Variants in EPS15L1 observed in about 807,000 individuals in gnomAD.
EPS15L1 encodes the protein epidermal growth factor receptor pathway substrate 15 like 1, also known as epidermal growth factor receptor substrate 15-like 1.
Under a neutral mutation model 117.1 loss-of-function variants are expected in EPS15L1, and 43 were observed. The observed-to-expected ratio is 0.37, with a 90% CI of 0.29 to 0.47. EPS15L1 has a LOEUF of 0.47. Ranked by LOEUF, EPS15L1 falls within the 20% of genes least tolerant of loss-of-function variation. The pLI is 0.99. For missense variants in EPS15L1, 981 were observed against 1,164.0 expected, an observed-to-expected ratio of 0.84 and a Z score of 2.29; for synonymous variants, 459 against 470.5, an observed-to-expected ratio of 0.98 and a Z score of 0.32.
intron 9 of EPS15L1, 92 bp downstream of exon 9, chr19:16,424,991 A>G (rs1018169402): frequency 1.7e-5 from 19 of 1,148,194 alleles, no homozygotes; most frequent in Non-Finnish European, 2.4e-5. Flanking sequence ...TTTCATCACA[A>G]GCTTGACCGT....
At position 16,381,777 on chromosome 19, in the gene EPS15L1, G is replaced by A. The variant is rs375397101; in HGVS notation, c.2247+3352C>T. Among the ~76,000 whole-genome samples, 2 of 152,220 alleles carry A rather than the reference G, an allele frequency of 1.3e-5. No individual in the cohort carries two copies. The highest frequency in any genetic ancestry group is 4.8e-5 in the African/African-American group (2 of 41,446). On this transcript the variant is annotated intron_variant, in intron 21 of 23. Transcript: ENST00000455140. This position sits in a 1 kb window ranked among gnomAD's most constrained non-coding sequence, Gnocchi z 4.2. ...AAGAATGGGGGAAAAACACTGGCCCGTCTGTGGGTGCTTCTGCGATTCATG... is the reference window on the plus strand; with the variant it reads ...AAGAATGGGGGAAAAACACTGGCCCATCTGTGGGTGCTTCTGCGATTCATG...
At position 16,413,159 on chromosome 19, in the gene EPS15L1, C is replaced by G. The variant is rs141594507; in HGVS notation, c.1266+614G>C. 2.0e-4 allele frequency: 130 copies of G among 662,378 alleles called. 1 individual carries two copies. The East Asian group carries it at 3.4e-3, about 17-fold the overall frequency. The allele number at this position is 662,378 out of a possible 1,614,324, so 41.0% of individuals were successfully genotyped here. ...CGGCCACTGCCATCCGCAGGGCCATCATACTGGCCAAGCTCTCCATTGTCC... is the reference window on the plus strand; with the variant it reads ...CGGCCACTGCCATCCGCAGGGCCATGATACTGGCCAAGCTCTCCATTGTCC... On this transcript the variant is annotated intron_variant, in intron 13 of 23. Coordinates refer to ENST00000455140, the MANE Select transcript of EPS15L1 (RefSeq NM_001258374.3).
At chr19:16,452,493 G>A (rs930353566) in intron 1 of EPS15L1, among the ~76,000 whole-genome samples, 3 of 150,722 alleles carry the variant, frequency 2.0e-5, no homozygotes, top group African/African-American at 7.3e-5. Flanking sequence ...AGTGGCACTC[G>A]CCTGTAGTCC....
chr19:16,471,888 G>T lies in EPS15L1; in HGVS notation c.33+25C>A. 1 of 1,285,786 alleles carries T rather than the reference G, an allele frequency of 7.8e-7. No homozygotes were observed. Among genetic ancestry groups the T allele is most frequent in the Non-Finnish European group, 9.9e-7 (1 of 1,010,776 alleles). The allele number at this position is 1,285,786 out of a possible 1,614,324, so 79.6% of individuals were successfully genotyped here. On this transcript the variant is annotated intron_variant, in intron 1 of 23. Transcript: ENST00000455140. This position sits in a 1 kb window ranked among gnomAD's most constrained non-coding sequence, Gnocchi z 4.8. ...GCCTCGCGCCCCGCACCCCGGCGCC[G>T]CCCCCAGGCCCGCCCGGCCCGTACC... is the stretch of plus-strand genomic sequence containing the variant.
intron 13 of EPS15L1, among the ~76,000 whole-genome samples, chr19:16,409,884 G>T (rs924488619): frequency 6.9e-6 from 1 of 143,904 alleles, no homozygotes; most frequent in Non-Finnish European, 1.5e-5. Context: ...GTTGCAGTGA[G>T]CTGAGATCGC....
intron 22 of EPS15L1, among the ~76,000 whole-genome samples, chr19:16,372,516 TC>T (rs1179995742): frequency 6.6e-6 from 1 of 152,142 alleles, no homozygotes; most frequent in East Asian, 1.9e-4. Flanking sequence ...GAAGTTCAAC[TC>T]CCTGCACGCT....
intron 1 of EPS15L1, among the ~76,000 whole-genome samples, chr19:16,453,048 C>A (rs1173330433): frequency 6.6e-6 from 1 of 152,008 alleles, no homozygotes; most frequent in Non-Finnish European, 1.5e-5. Context: ...GATCTGCCCG[C>A]CTCGGTCTCC....
chr19:16,454,372 A>G (rs73928603), intron 1 of EPS15L1, among the ~76,000 whole-genome samples: 4,023 of 152,244 alleles, frequency 0.026, 193 homozygotes, highest in African/African-American at 0.093. Flanking sequence ...TCGCCCCGCT[A>G]CTGGAACCTG....
intron 1 of EPS15L1, among the ~76,000 whole-genome samples, chr19:16,462,680 A>G (rs2093264872): frequency 6.6e-6 from 1 of 152,090 alleles, no homozygotes; most frequent in Admixed American, 6.6e-5. Context: ...GAAAAAATAA[A>G]GTAAAACAAA....
In EPS15L1 at chr19:16,379,626, C is replaced by CCA. The variant is rs1400356847; in HGVS notation, c.2248-2373_2248-2372insTG. ...ACTAAGGCTCCAGCGTCTAGTCACA[C>CCA]TGACACGGCCATCTAGGCCTTCAGT... On this transcript the variant is annotated intron_variant, in intron 21 of 23. Coordinates refer to ENST00000455140, the MANE Select transcript of EPS15L1 (RefSeq NM_001258374.3). Among the ~76,000 whole-genome samples, 56 of 152,220 alleles carry CCA rather than the reference C, an allele frequency of 3.7e-4. 1 individual carries two copies. Among genetic ancestry groups the CCA allele is most frequent in the African/African-American group, 1.3e-3 (53 of 41,450 alleles).
intron 3 of EPS15L1, chr19:16,441,629 C>CA (rs369757727): frequency 0.18 from 15,443 of 86,408 alleles, 862 homozygotes; most frequent in Non-Finnish European, 0.19. Context: ...AACTCTGTCT[C>CA]AAAAAAAAAA....
At position 16,405,879 on chromosome 19, in the gene EPS15L1, A is replaced by T. The variant is rs890297118; in HGVS notation, c.1267-1130T>A. On this transcript the variant is annotated intron_variant, in intron 13 of 23. Transcript: ENST00000455140. This position sits in a 1 kb window ranked among gnomAD's most constrained non-coding sequence, Gnocchi z 4.0. ...CTTTAAGATAAATAACCAAAGCTGA[A>T]ATAGCACAACGGGCATTGTGACAAG... Among the ~76,000 whole-genome samples the T allele has an allele frequency of 6.6e-6, 1 of 152,222 alleles. No homozygotes were observed. The highest frequency in any genetic ancestry group is 1.5e-5 in the Non-Finnish European group (1 of 68,030).
chr19:16,356,119 C>T (rs1279555283), intron 23 of EPS15L1, among the ~76,000 whole-genome samples: 2 of 152,214 alleles, frequency 1.3e-5, no homozygotes, highest in East Asian at 3.9e-4. Context: ...AACCAGCCAC[C>T]CCGCCCCACG....
At chr19:16,464,801 C>T (rs371882273) in intron 1 of EPS15L1, among the ~76,000 whole-genome samples, 2 of 151,636 alleles carry the variant, frequency 1.3e-5, no homozygotes, top group Non-Finnish European at 2.9e-5. Flanking sequence ...AAAAAATTCA[C>T]GGGTGGGCAT....
At chr19:16,420,853 T>C (rs4808503) in intron 10 of EPS15L1, among the ~76,000 whole-genome samples, 31 of 152,334 alleles carry the variant, frequency 2.0e-4, no homozygotes, top group Middle Eastern at 3.4e-3. Context: ...CAGGGTCTCC[T>C]TGTGCTCACC....
intron 1 of EPS15L1, among the ~76,000 whole-genome samples, chr19:16,449,368 C>T (rs374909235): frequency 1.3e-5 from 2 of 152,114 alleles, no homozygotes; most frequent in Admixed American, 6.6e-5. Flanking sequence ...GGCAAATAAA[C>T]GTATGAAAAT....
intron 1 of EPS15L1, among the ~76,000 whole-genome samples, chr19:16,463,952 C>T (rs535891098): frequency 1.1e-4 from 16 of 152,316 alleles, no homozygotes; most frequent in African/African-American, 3.4e-4. Context: ...GGATCGCCTG[C>T]GCAGATGACA....
chr19:16,391,062 A>G (rs796931465), intron 19 of EPS15L1, among the ~76,000 whole-genome samples: 4 of 152,306 alleles, frequency 2.6e-5, no homozygotes, highest in African/African-American at 9.6e-5. Context: ...ATCTCGATAA[A>G]ACTATTGTAA....
intron 22 of EPS15L1, among the ~76,000 whole-genome samples, chr19:16,376,264 G>A (rs2092294007): frequency 6.6e-6 from 1 of 152,216 alleles, no homozygotes; most frequent in African/African-American, 2.4e-5. Context: ...GGCACAGATG[G>A]AACAGGCAAT....
Sources: gnomAD v4.1 joint callset for allele counts (sites outside exome capture counted in the v4.1 genomes callset) on GRCh38, gnomAD v4.1.1 for gene constraint, Gnocchi (gnomAD v3.1) non-coding constraint, MANE v1.5 for transcripts, NCBI Gene and HGNC (gene_info 2026-07-23, HGNC 2026-07-21) for gene names.